Variants in PET117 observed in about 807,000 individuals in gnomAD.
PET117 encodes protein PET117 homolog, mitochondrial.
PET117 carries 10 observed loss-of-function variants against 9.2 expected under a neutral mutation model. The observed-to-expected ratio is 1.09, with a 90% CI of 0.67 to 1.85. The LOEUF (loss-of-function observed/expected upper bound fraction) is 1.85. Among genes scored for constraint, PET117 ranks in the 40% most tolerant of loss-of-function variants. The pLI is 0.00. For synonymous variants in PET117, 43 were observed against 37.1 expected (o/e 1.16, Z -0.57); for missense variants, 96 against 98.2 (o/e 0.98, Z 0.09).
At chr20:18,141,200 AT>A (rs956656353) in intron 1 of PET117, among the ~76,000 whole-genome samples, 11 of 151,796 alleles carry the variant, frequency 7.2e-5, no homozygotes, top group Admixed American at 7.2e-4. Flanking sequence ...CCTTTAGAGT[AT>A]TTTGTGAGCA....
Position 18,138,107 on chromosome 20 carries a change from CCT to C in PET117, c.96+60_96+61del, listed in dbSNP as rs1032122508. The C allele has an allele frequency of 1.3e-4, 181 of 1,428,324 alleles. No individual in the cohort carries two copies. In the African/African-American group the frequency reaches 2.5e-3, roughly 20 times the overall value. The allele number at this position is 1,428,324 out of a possible 1,614,324, so 88.5% of individuals were successfully genotyped here. ...CCGCGCGCGCGGCGTCGACCTGGGG[CCT>C]CTCGTGGTCTCTGCCCGCTCGGTTC... On this transcript the variant is annotated intron_variant, in intron 1 of 1. Transcript: ENST00000432901.
rs2037653663 is a variant in PET117, at chr20:18,143,118, T to A, written c.*761T>A. 2 of 1,329,710 alleles carry A rather than the reference T, an allele frequency of 1.5e-6. No homozygotes were observed. The highest frequency in any genetic ancestry group is 5.5e-5 in the East Asian group (2 of 36,468). The allele number at this position is 1,329,710 out of a possible 1,614,324, so 82.4% of individuals were successfully genotyped here. A position where few individuals can be genotyped will look rare whatever the true frequency, so the allele number is the denominator to read the frequency against. ...AACGTACTGTCAACCTCTATCACAT[T>A]GTTAAATTAACACTTTTGGTGGTAA... On this transcript the variant is annotated 3_prime_UTR_variant, in exon 2 of 2. Coordinates refer to ENST00000432901, the MANE Select transcript of PET117 (RefSeq NM_001164811.2).
rs954745839 is a variant in PET117 at position 18,142,895 on chromosome 20, A to C, written c.*538A>C. On this transcript the variant is annotated 3_prime_UTR_variant, in exon 2 of 2. Transcript: ENST00000432901. ...GGAGCAGCTGTCCTACTTCTGTGAC[A>C]AGTGCCAAAAATGGATACCAGCCAG... is the stretch of plus-strand genomic sequence containing the variant. 1 of 1,614,098 alleles carries C rather than the reference A, an allele frequency of 6.2e-7. No individual in the cohort carries two copies. The highest frequency in any genetic ancestry group is 8.5e-7 in the Non-Finnish European group (1 of 1,179,940).
rs1600214211 is a variant in PET117, at chr20:18,142,449, T to G, written c.*92T>G. The G allele has an allele frequency of 7.0e-7, 1 of 1,438,774 alleles. No homozygotes were observed. Among genetic ancestry groups the G allele is most frequent in the South Asian group, 1.5e-5 (1 of 67,800 alleles). 89.1% of individuals were successfully genotyped at this position (1,438,774 alleles called of 1,614,324 possible). Reference sequence around the variant, plus strand: ...TTAGTAGTATCTTCATCTTTTTTTTTGGTCACTGTCCTTTTAAACTTGATC... The same window carrying G: ...TTAGTAGTATCTTCATCTTTTTTTTGGGTCACTGTCCTTTTAAACTTGATC... On this transcript the variant is annotated 3_prime_UTR_variant, in exon 2 of 2. Coordinates refer to ENST00000432901, the MANE Select transcript of PET117 (RefSeq NM_001164811.2).
chr20:18,138,332 A>G, intron 1 of PET117: 5 of 1,128,188 alleles, frequency 4.4e-6, no homozygotes, highest in Non-Finnish European at 5.4e-6. Context: ...CTTGCTCCGC[A>G]CAGGCACGGC....
Position 18,138,043 on chromosome 20 carries a change from G to A in PET117, c.88G>A (p.Asp30Asn), listed in dbSNP as rs2037359390. 4.0e-6 allele frequency: 6 copies of A among 1,488,236 alleles called. No homozygotes were observed. Among genetic ancestry groups the A allele is most frequent in the East Asian group, 2.8e-5 (1 of 35,256 alleles). 92.2% of individuals were successfully genotyped at this position (1,488,236 alleles called of 1,614,324 possible). ...VAGVHVKQQW[D>N]QQRLRDGVIR... ...CGGCGTACATGTGAAGCAGCAGTGG[G>A]ACCAGCAGGTCGGTGTCACGTGACC... The change falls in exon 1 of 2, where the codon GAC becomes AAC. Residue 30 changes from aspartate (D) to asparagine (N), a missense_variant. Asp to Asn is a conservative substitution (Grantham distance 23). Transcript: ENST00000432901.
chr20:18,140,156 T>A (rs1250623300), intron 1 of PET117, among the ~76,000 whole-genome samples: 1 of 151,814 alleles, frequency 6.6e-6, no homozygotes, highest in African/African-American at 2.4e-5. Flanking sequence ...GTGGAAGGAA[T>A]GATTCTGGTG....
intron 1 of PET117, among the ~76,000 whole-genome samples, chr20:18,139,910 T>C (rs1266685708): frequency 6.6e-6 from 1 of 152,162 alleles, no homozygotes; most frequent in Non-Finnish European, 1.5e-5. Context: ...AATTAAGCAG[T>C]GCTACATGAG....
At position 18,142,392 on chromosome 20, in the gene PET117, G is replaced by A. The variant is rs761994279; in HGVS notation, c.*35G>A. On this transcript the variant is annotated 3_prime_UTR_variant, in exon 2 of 2. Coordinates refer to ENST00000432901, the MANE Select transcript of PET117 (RefSeq NM_001164811.2). ...GAAATATCTGTTGGACAGACAACAC[G>A]AGTTTGTGTGTGTGTGTTGATGGAG... The A allele has an allele frequency of 1.2e-5, 19 of 1,524,142 alleles. No homozygotes were observed. The African/African-American group carries it at 1.8e-4, about 14-fold the overall frequency. The allele number at this position is 1,524,142 out of a possible 1,614,324, so 94.4% of individuals were successfully genotyped here. A position where few individuals can be genotyped will look rare whatever the true frequency, so the allele number is the denominator to read the frequency against.
intron 1 of PET117, among the ~76,000 whole-genome samples, chr20:18,140,751 G>A (rs2037504885): frequency 6.9e-6 from 1 of 144,212 alleles, no homozygotes; most frequent in Non-Finnish European, 1.5e-5. Context: ...GGTGGAGATT[G>A]CAGTGAGCTA....
chr20:18,141,040 T>TTTTA (rs1555801399), intron 1 of PET117, among the ~76,000 whole-genome samples: 23 of 55,146 alleles, frequency 4.2e-4, no homozygotes, highest in Non-Finnish European at 6.0e-4. Flanking sequence ...TTTTTTTTTT[T>TTTTA]TTTTTTATTT....
At chr20:18,139,367 T>G (rs1229025573) in intron 1 of PET117, among the ~76,000 whole-genome samples, 1 of 152,294 alleles carries the variant, frequency 6.6e-6, no homozygotes, top group East Asian at 1.9e-4. Flanking sequence ...GTCAGTGAAG[T>G]GATGTTTGAA....
chr20:18,139,248 C>T (rs1465630792), intron 1 of PET117, among the ~76,000 whole-genome samples: 1 of 152,152 alleles, frequency 6.6e-6, no homozygotes, highest in Non-Finnish European at 1.5e-5. Context: ...AAGGGGCTGG[C>T]TTTTGGAATA....
rs748045482 is a variant in PET117 at position 18,137,881 on chromosome 20, C to T, written c.-75C>T. On this transcript the variant is annotated 5_prime_UTR_variant, in exon 1 of 2. Transcript: ENST00000432901. ...AGGGGTCGAGCCTGGGCAGTACAGG[C>T]GGCGGTGCGCACTCTGCGGCGGCCT... 3 of 1,385,840 alleles carry T rather than the reference C, an allele frequency of 2.2e-6. No homozygotes were observed. Among genetic ancestry groups the T allele is most frequent in the South Asian group, 1.5e-5 (1 of 68,324 alleles). The allele number at this position is 1,385,840 out of a possible 1,614,324, so 85.8% of individuals were successfully genotyped here. A position where few individuals can be genotyped will look rare whatever the true frequency, so the allele number is the denominator to read the frequency against.
chr20:18,139,712 G>A (rs1413725543), intron 1 of PET117, among the ~76,000 whole-genome samples: 1 of 150,882 alleles, frequency 6.6e-6, no homozygotes, highest in African/African-American at 2.4e-5. Context: ...TCTTCATTAG[G>A]GGCTTACATT....
chr20:18,141,210 CA>C (rs1214683246), intron 1 of PET117, among the ~76,000 whole-genome samples: 3 of 151,564 alleles, frequency 2.0e-5, no homozygotes, highest in African/African-American at 7.3e-5. Flanking sequence ...ATTTTGTGAG[CA>C]ATAAACTATA....
intron 1 of PET117, among the ~76,000 whole-genome samples, chr20:18,140,368 A>G (rs1468324664): frequency 1.3e-5 from 2 of 152,104 alleles, no homozygotes; most frequent in Admixed American, 1.3e-4. Flanking sequence ...CTCATAATGA[A>G]GCTGTAGGCC....
intron 1 of PET117, among the ~76,000 whole-genome samples, chr20:18,141,365 T>A (rs1467424218): frequency 6.6e-6 from 1 of 152,144 alleles, no homozygotes; most frequent in Non-Finnish European, 1.5e-5. Flanking sequence ...GGTAGTAGCA[T>A]CCTTCTTTTT....
intron 1 of PET117, chr20:18,138,305 C>G (rs761185770): frequency 6.3e-5 from 75 of 1,185,144 alleles, no homozygotes; most frequent in Non-Finnish European, 7.7e-5. Context: ...GCCTTTGGAG[C>G]TCCGCGCTGA....
Sources: gnomAD v4.1 joint callset for allele counts (sites outside exome capture counted in the v4.1 genomes callset) on GRCh38, gnomAD v4.1.1 for gene constraint, MANE v1.5 for transcripts, NCBI Gene and HGNC (gene_info 2026-07-23, HGNC 2026-07-21) for gene names.